Variants in ITIH5 observed in about 807,000 individuals in gnomAD.
ITIH5 encodes inter-alpha-trypsin inhibitor heavy chain 5.
A neutral mutation model predicts 77.5 loss-of-function variants in ITIH5; 65 were observed. That is an observed-to-expected ratio of 0.84 (90% confidence interval 0.69 to 1.03). The LOEUF (loss-of-function observed/expected upper bound fraction) is 1.03. Among genes scored for constraint, ITIH5 ranks in the 50% least tolerant of loss-of-function variants. ITIH5 has a pLI of 0.00. For synonymous variants in ITIH5, 525 were observed against 494.3 expected (o/e 1.06, Z -0.82); for missense variants, 1,208 against 1,213.1 (o/e 1.00, Z 0.06).
chr10:7,628,664 C>G (rs1278203950), intron 5 of ITIH5, among the ~76,000 whole-genome samples: 1 of 142,524 alleles, frequency 7.0e-6, no homozygotes, highest in Admixed American at 6.7e-5. Context: ...TCTGGGTTGT[C>G]ACATGTGTCC....
chr10:7,644,009 G>A (rs1833928421), intron 2 of ITIH5, among the ~76,000 whole-genome samples: 1 of 152,184 alleles, frequency 6.6e-6, no homozygotes, highest in African/African-American at 2.4e-5. Flanking sequence ...GGGAGGCCAA[G>A]GTGGACAGAT....
intron 2 of ITIH5, among the ~76,000 whole-genome samples, chr10:7,651,440 G>C (rs189407146): frequency 6.6e-6 from 1 of 151,854 alleles, no homozygotes; most frequent in Admixed American, 6.6e-5. Flanking sequence ...AAAATTAGCC[G>C]AGCGCGATGA....
intron 2 of ITIH5, 63 bp from the exon 3 acceptor site, chr10:7,642,153 A>G (rs1833901160): frequency 1.9e-5 from 26 of 1,340,200 alleles, no homozygotes; most frequent in Non-Finnish European, 2.5e-5. Flanking sequence ...TGGTAGTGGA[A>G]CATCTTTTTT....
intron 7 of ITIH5, among the ~76,000 whole-genome samples, chr10:7,611,449 T>A (rs1318310928): frequency 6.6e-6 from 1 of 152,236 alleles, no homozygotes; most frequent in Non-Finnish European, 1.5e-5. Context: ...GAGGGTTATT[T>A]GGCAAGAAGA....
At chr10:7,657,524 G>A (rs921000380) in intron 1 of ITIH5, among the ~76,000 whole-genome samples, 4 of 151,946 alleles carry the variant, frequency 2.6e-5, no homozygotes, top group African/African-American at 7.3e-5. Context: ...TAAAACAATT[G>A]CTCATAATTA....
chr10:7,625,568 C>T (rs533241608), intron 5 of ITIH5, among the ~76,000 whole-genome samples: 4 of 152,176 alleles, frequency 2.6e-5, no homozygotes, highest in African/African-American at 9.6e-5. Context: ...AGTTCGAGAT[C>T]GGCCTGGCCA....
chr10:7,616,938 A>G (rs1266527717), intron 6 of ITIH5, among the ~76,000 whole-genome samples, 175 bp downstream of exon 6: 1 of 152,232 alleles, frequency 6.6e-6, no homozygotes, highest in African/African-American at 2.4e-5. Context: ...AGCTGGAAAT[A>G]GGTTCCCTCA....
chr10:7,647,310 T>G (rs1834022204), intron 2 of ITIH5, among the ~76,000 whole-genome samples: 2 of 152,250 alleles, frequency 1.3e-5, no homozygotes, highest in Non-Finnish European at 2.9e-5. Context: ...GCTGCTTTTC[T>G]GCTACAATGG....
At chr10:7,644,677 T>A in intron 2 of ITIH5, among the ~76,000 whole-genome samples, 1 of 139,542 alleles carries the variant, frequency 7.2e-6, no homozygotes, top group African/African-American at 2.6e-5. Flanking sequence ...ATATATCACA[T>A]ATATATCATA....
At chr10:7,628,808 T>C (rs554924585) in intron 5 of ITIH5, among the ~76,000 whole-genome samples, 995 of 86,814 alleles carry the variant, frequency 0.011, 180 homozygotes, top group Non-Finnish European at 0.02. Flanking sequence ...TCTGTGTTTT[T>C]GCATGTGTCC....
Position 7,569,662 on chromosome 10 carries a change from A to C in ITIH5, c.2149+6T>G, listed in dbSNP as rs745581447. 3 of 1,588,308 alleles carry C rather than the reference A, an allele frequency of 1.9e-6. No individual in the cohort carries two copies. The South Asian group carries it at 3.4e-5, about 18-fold the overall frequency. The stretch of plus-strand genomic sequence containing the variant: ...CCCAGATGCTGCAGCGGAAGGTAGA[A>C]CTTACCAGAGTCCCTGTGATCAGAG... On this transcript the variant is annotated splice_donor_region_variant and intron_variant, in intron 12 of 13. Coordinates refer to ENST00000397146, the MANE Select transcript of ITIH5 (RefSeq NM_030569.7).
Position 7,648,884 on chromosome 10 carries a change from G to C in ITIH5, c.135+6747C>G, listed in dbSNP as rs573803490. ...TATTACATCAAGAATATGAAGCTTAGTTTATGGGCCCAAGAGACAGGCTGA... is the reference window on the plus strand; with the variant it reads ...TATTACATCAAGAATATGAAGCTTACTTTATGGGCCCAAGAGACAGGCTGA... On this transcript the variant is annotated intron_variant, in intron 2 of 13. Coordinates refer to ENST00000397146, the MANE Select transcript of ITIH5 (RefSeq NM_030569.7). 1.3e-5 allele frequency among the ~76,000 whole-genome samples: 2 copies of C among 152,096 alleles called. 1 individual carries two copies. The highest frequency in any genetic ancestry group is 4.2e-4 in the South Asian group (2 of 4,816).
chr10:7,585,969 A>G lies in ITIH5; in HGVS notation c.1040T>C (p.Leu347Ser), dbSNP rs1360572926. 3 of 1,614,004 alleles carry G rather than the reference A, an allele frequency of 1.9e-6. No homozygotes were observed. Among genetic ancestry groups the G allele is most frequent in the African/African-American group, 2.7e-5 (2 of 74,896 alleles). The stretch of plus-strand genomic sequence containing the variant: ...GATGCTGTCTGGAGTGACTGATATC[A>G]AGTGGTCCTTCCATACTTTGATCCG... ...SNRIKVWKDH[L>S]ISVTPDSIRD... is the part of the protein sequence containing the mutation. Residue 347 changes from leucine to serine, a missense_variant, in exon 8 of 14, where the codon TTG becomes TCG. By Grantham distance (145) the Leu-to-Ser change is moderately radical. Transcript: ENST00000397146.
intron 1 of ITIH5, among the ~76,000 whole-genome samples, chr10:7,657,471 T>C (rs1019313354): frequency 1.3e-5 from 2 of 148,270 alleles, no homozygotes; most frequent in East Asian, 1.9e-4. Context: ...AAAATACTGA[T>C]AGAAAAAAAA....
intron 7 of ITIH5, chr10:7,600,525 T>C (rs1832993233): frequency 2.2e-6 from 1 of 456,814 alleles, no homozygotes; most frequent in South Asian, 1.5e-5. Flanking sequence ...ATTTGTCTTG[T>C]TACCTTGGCC....
intron 1 of ITIH5, among the ~76,000 whole-genome samples, chr10:7,660,910 G>A (rs1834266400): frequency 6.6e-6 from 1 of 152,224 alleles, no homozygotes; most frequent in African/African-American, 2.4e-5. Flanking sequence ...CCATAACACA[G>A]GTGTCTCCAT....
chr10:7,581,397 T>C (rs574786521), intron 8 of ITIH5, among the ~76,000 whole-genome samples: 1 of 152,286 alleles, frequency 6.6e-6, no homozygotes, highest in Non-Finnish European at 1.5e-5. Context: ...CTCTGAGAAA[T>C]GATGGAACAA....
At chr10:7,567,009 A>T (rs1296194801) in intron 12 of ITIH5, among the ~76,000 whole-genome samples, 3 of 151,942 alleles carry the variant, frequency 2.0e-5, no homozygotes, top group African/African-American at 4.8e-5. Flanking sequence ...TAGTACCAAA[A>T]ACATGTCTGA....
chr10:7,618,888 G>C (rs1467348323), intron 5 of ITIH5: 2 of 152,256 alleles, frequency 1.3e-5, no homozygotes, highest in Non-Finnish European at 2.9e-5. Context: ...AGACAATTTA[G>C]GTGTAACCTT....
Sources: gnomAD v4.1 joint callset for allele counts (sites outside exome capture counted in the v4.1 genomes callset) on GRCh38, gnomAD v4.1.1 for gene constraint, MANE v1.5 for transcripts, NCBI Gene and HGNC (gene_info 2026-07-23, HGNC 2026-07-21) for gene names.